The following UNC13A variants were observed in gnomAD, a reference collection of about 807,000 sequenced individuals.
The protein encoded by UNC13A is unc-13 homolog A.
In UNC13A, 61 loss-of-function variants were observed where a neutral mutation model predicts 219.7. The ratio of observed to expected loss-of-function variants is 0.28; its 90% CI spans 0.23 to 0.34. The LOEUF (loss-of-function observed/expected upper bound fraction) is 0.34. Among genes scored for constraint, UNC13A ranks in the 10% least tolerant of loss-of-function variants. UNC13A has a pLI of 1.00. For missense variants in UNC13A, 1,476 were observed against 2,270.3 expected (o/e 0.65, Z 7.11); for synonymous variants, 920 against 884.6 (o/e 1.04, Z -0.71).
chr19:17,614,226 C>G (rs2076636901), intron 41 of UNC13A: 1 of 151,912 alleles, frequency 6.6e-6, no homozygotes, highest in South Asian at 2.1e-4. Flanking sequence ...AGGCTGGTCT[C>G]AAACTCCTGA....
At chr19:17,679,286 G>A (rs2079960951) in intron 1 of UNC13A, among the ~76,000 whole-genome samples, 1 of 152,006 alleles carries the variant, frequency 6.6e-6, no homozygotes, top group East Asian at 1.9e-4. Flanking sequence ...TGTAGTCCCA[G>A]CTACTCGGGA....
chr19:17,675,768 G>T (rs1326292397), intron 2 of UNC13A, among the ~76,000 whole-genome samples: 1 of 152,086 alleles, frequency 6.6e-6, no homozygotes, highest in African/African-American at 2.4e-5. Flanking sequence ...CTGGCTCAGG[G>T]CAAGCCCCAC....
chr19:17,659,409 C>T (rs1335929766), intron 8 of UNC13A, among the ~76,000 whole-genome samples: 1 of 151,956 alleles, frequency 6.6e-6, no homozygotes, highest in African/African-American at 2.4e-5. Context: ...CACCTCTGCA[C>T]TCCAGGGGCT....
intron 2 of UNC13A, 51 bp downstream of exon 2, chr19:17,675,957 GAGAC>G (rs112409090): frequency 0.061 from 91,942 of 1,498,602 alleles, 3,517 homozygotes; most frequent in African/African-American, 0.2. Flanking sequence ...GTCTCTCCAA[GAGAC>G]AGACAGACAG....
intron 11 of UNC13A, among the ~76,000 whole-genome samples, 199 bp downstream of exon 11, chr19:17,655,075 G>C (rs1464286352): frequency 1.3e-5 from 2 of 152,170 alleles, no homozygotes; most frequent in Admixed American, 6.5e-5. Flanking sequence ...AATGAGGGTG[G>C]GGCCAGGGAA....
intron 6 of UNC13A, among the ~76,000 whole-genome samples, chr19:17,667,454 A>ATTT (rs2079677969): frequency 6.6e-6 from 1 of 151,922 alleles, no homozygotes; most frequent in South Asian, 2.1e-4. Flanking sequence ...GAAAAGTAAA[A>ATTT]TTTTTTATTT....
chr19:17,630,316 G>A, intron 29 of UNC13A, 28 bp from the exon 30 acceptor site: 1 of 1,556,642 alleles, frequency 6.4e-7, no homozygotes, highest in Non-Finnish European at 8.7e-7. Context: ...CCAAGAGGAA[G>A]GAGGAGATCA....
At chr19:17,678,205 G>A (rs182225906) in intron 1 of UNC13A, among the ~76,000 whole-genome samples, 144 of 152,266 alleles carry the variant, frequency 9.5e-4, no homozygotes, top group South Asian at 9.3e-3. Flanking sequence ...CTGGCCAGGC[G>A]CGGTGGCTCA....
rs763615229 is a variant in UNC13A, at chr19:17,669,697, T to C, written c.271-21A>G. 8.1e-6 allele frequency: 13 copies of C among 1,595,586 alleles called. No individual in the cohort carries two copies. In the Admixed American group the frequency reaches 2.3e-4, roughly 28 times the overall value. ...CCCTCCTGGGGGTTGGGGGAGGAGG[T>C]GTGTGGGTCAGGAATCTGCTGGTCA... On this transcript the variant is annotated intron_variant, in intron 4 of 43. Coordinates refer to ENST00000519716, the MANE Select transcript of UNC13A (RefSeq NM_001080421.3).
rs544886234 is a variant in UNC13A, at chr19:17,678,923, A to G, written c.23-2882T>C. Among the ~76,000 whole-genome samples, 4 of 152,160 alleles carry G rather than the reference A, an allele frequency of 2.6e-5. No individual in the cohort carries two copies. The South Asian group carries it at 8.3e-4, about 32-fold the overall frequency. On this transcript the variant is annotated intron_variant, in intron 1 of 43. Transcript: ENST00000519716. ...GAAATGATGGGCATGAAAGCAAGAG[A>G]GGAGAGTCTGGACAGATGGAGAGAA... is the stretch of plus-strand genomic sequence containing the variant.
chr19:17,641,679 C>A, intron 20 of UNC13A, 123 bp from the exon 21 acceptor site: 1 of 1,012,634 alleles, frequency 9.9e-7, no homozygotes. Context: ...CATTCATCTA[C>A]TCTTTTATCC....
intron 42 of UNC13A, among the ~76,000 whole-genome samples, chr19:17,611,508 A>G (rs1349899618): frequency 2.0e-5 from 3 of 152,184 alleles, no homozygotes; most frequent in South Asian, 2.1e-4. Flanking sequence ...CATGTCAAAA[A>G]CAGCCCAATC....
intron 1 of UNC13A, among the ~76,000 whole-genome samples, chr19:17,679,144 G>A (rs558609689): frequency 2.0e-5 from 3 of 152,184 alleles, no homozygotes; most frequent in Admixed American, 6.6e-5. Flanking sequence ...GCCCACATCT[G>A]TAATCCCAGC....
chr19:17,672,318 G>C, intron 4 of UNC13A, 60 bp downstream of exon 4: 1 of 1,355,420 alleles, frequency 7.4e-7, no homozygotes. Context: ...TTAGTCCACT[G>C]GTCTCTGGGC....
At chr19:17,646,237 G>A in intron 17 of UNC13A, 126 bp from the exon 18 acceptor site, 1 of 1,303,006 alleles carries the variant, frequency 7.7e-7, no homozygotes, top group African/African-American at 1.5e-5. Flanking sequence ...GCAATGGCAG[G>A]GCACGCTGGG....
At chr19:17,612,067 G>A (rs1568499030) in intron 41 of UNC13A, 3 of 493,678 alleles carry the variant, frequency 6.1e-6, no homozygotes, top group Non-Finnish European at 1.1e-5. Context: ...GTGATCTTGG[G>A]TAGATTGCTT....
intron 4 of UNC13A, 53 bp from the exon 5 acceptor site, chr19:17,669,729 C>G: frequency 6.4e-7 from 1 of 1,550,658 alleles, no homozygotes; most frequent in Non-Finnish European, 8.7e-7. Flanking sequence ...GTCACTAGTC[C>G]CCAGGGCCCC....
At chr19:17,611,679 C>CA (rs1568498501) in intron 42 of UNC13A, 84 bp downstream of exon 42, 34 of 1,282,018 alleles carry the variant, frequency 2.7e-5, no homozygotes, top group Non-Finnish European at 3.4e-5. Context: ...ACAACAACAA[C>CA]AAAAAAAGGG....
chr19:17,625,452 C>A (rs144870656), intron 34 of UNC13A, among the ~76,000 whole-genome samples: 1 of 152,172 alleles, frequency 6.6e-6, no homozygotes, highest in African/African-American at 2.4e-5. Context: ...CCACCAAGAT[C>A]CATCCACCAA....
Sources: allele counts gnomAD v4.1 joint callset (sites outside exome capture counted in the v4.1 genomes callset), GRCh38; gene constraint gnomAD v4.1.1; transcripts MANE v1.5; gene names NCBI Gene and HGNC (gene_info 2026-07-23, HGNC 2026-07-21).